Variants in USP53 observed in about 807,000 individuals in gnomAD.
USP53 encodes ubiquitin carboxyl-terminal hydrolase 53.
USP53 carries 71 observed loss-of-function variants against 94.9 expected under a neutral mutation model. The ratio of observed to expected loss-of-function variants is 0.75; its 90% CI spans 0.62 to 0.91. The LOEUF (loss-of-function observed/expected upper bound fraction) is 0.91. Among genes scored for constraint, USP53 ranks in the 40% least tolerant of loss-of-function variants. The pLI, the probability that USP53 is intolerant of heterozygous loss-of-function variation, is 0.00. For missense variants in USP53, 1,173 were observed against 1,281.0 expected (o/e 0.92, Z 1.29); for synonymous variants, 375 against 422.7 (o/e 0.89, Z 1.39).
rs760635499 is a variant in USP53 at position 119,256,281 on chromosome 4, G to A, written c.408G>A (p.Val136=). The A allele has an allele frequency of 6.2e-7, 1 of 1,613,742 alleles. No homozygotes were observed. Among genetic ancestry groups the A allele is most frequent in the South Asian group, 1.1e-5 (1 of 91,026 alleles). ...TGGAGAGGATTCATTTTCACATAGT[G>A]CCAAGCAGAGATGCAGACATGTGTA... ...NMLERIHFHI[V]PSRDADMCTS... Residue 136 remains valine (V), a synonymous_variant, in exon 8 of 19, where the codon GTG becomes GTA. Transcript: ENST00000692078.
At chr4:119,281,180 G>A (rs376811488) in intron 17 of USP53, among the ~76,000 whole-genome samples, 12 of 152,322 alleles carry the variant, frequency 7.9e-5, no homozygotes, top group African/African-American at 2.9e-4. Context: ...ATATTTGAAC[G>A]TATACAGGAT....
At chr4:119,270,721 A>T (rs1371433581) in intron 15 of USP53, among the ~76,000 whole-genome samples, 1 of 152,142 alleles carries the variant, frequency 6.6e-6, no homozygotes, top group Non-Finnish European at 1.5e-5. Flanking sequence ...ATAGTGATAG[A>T]CTTTACAGGC....
intron 14 of USP53, among the ~76,000 whole-genome samples, 168 bp downstream of exon 14, chr4:119,268,588 C>G (rs559491277): frequency 6.6e-6 from 1 of 152,306 alleles, no homozygotes; most frequent in Admixed American, 6.5e-5. Flanking sequence ...GTAGTTTTAC[C>G]TGACCAGTTT....
chr4:119,257,025 G>A lies in USP53; in HGVS notation c.569+502G>A, dbSNP rs574916312. Among the ~76,000 whole-genome samples the A allele has an allele frequency of 3.3e-5, 5 of 152,298 alleles. No homozygotes were observed. In the East Asian group the frequency reaches 9.6e-4, roughly 29 times the overall value. ...AAAATTTGCCATGCTTGCCTGCTCA[G>A]CTGCCCACTCACTCTCTCCCTTTCT... On this transcript the variant is annotated intron_variant, in intron 9 of 18. Coordinates refer to ENST00000692078, the MANE Select transcript of USP53 (RefSeq NM_001371395.1).
intron 17 of USP53, among the ~76,000 whole-genome samples, chr4:119,290,740 A>G (rs1410443955): frequency 6.6e-6 from 1 of 152,192 alleles, no homozygotes; most frequent in Non-Finnish European, 1.5e-5. Context: ...GAGGGAACTG[A>G]GATTTTAAGA....
At chr4:119,239,943 T>C (rs755419466) in intron 5 of USP53, 40 bp downstream of exon 5, 2 of 1,365,918 alleles carry the variant, frequency 1.5e-6, no homozygotes, top group Non-Finnish European at 1.9e-6. Flanking sequence ...AAAAATACTT[T>C]TCAGAAAATC....
chr4:119,256,215 A>G (rs777169460), intron 7 of USP53, 31 bp from the exon 8 acceptor site: 1 of 1,539,198 alleles, frequency 6.5e-7, no homozygotes, highest in Non-Finnish European at 8.9e-7. Flanking sequence ...CAAGATCAAC[A>G]ACTCATTTAT....
Position 119,260,629 on chromosome 4 carries a change from A to G in USP53, c.798A>G (p.Leu266=). 3.1e-6 allele frequency: 5 copies of G among 1,613,758 alleles called. No homozygotes were observed. The African/African-American group carries it at 5.3e-5, about 17-fold the overall frequency. The stretch of plus-strand genomic sequence containing the variant: ...TGACCGAAGCTGTTGTTCGGAATCT[A>G]GCAACACATCTTTATCTTCCTGGGG... ...SDLTEAVVRN[L]ATHLYLPGLF... Residue 266 remains leucine (L), a synonymous_variant, in exon 11 of 19, where the codon CTA becomes CTG. Transcript: ENST00000692078.
intron 7 of USP53, among the ~76,000 whole-genome samples, chr4:119,254,982 T>A (rs1344126836): frequency 1.3e-5 from 2 of 152,212 alleles, no homozygotes; most frequent in Non-Finnish European, 1.5e-5. Context: ...GACAGGCCCC[T>A]CAGCTGCAGG....
chr4:119,218,693 A>C (rs779140391), intron 3 of USP53: 3 of 152,166 alleles, frequency 2.0e-5, no homozygotes, highest in Non-Finnish European at 4.4e-5. Context: ...CCTTACTATA[A>C]TCCTTTAGCT....
At chr4:119,214,612 TAAAA>T (rs35029575) in intron 2 of USP53, among the ~76,000 whole-genome samples, 1 of 141,594 alleles carries the variant, frequency 7.1e-6, no homozygotes, top group African/African-American at 2.6e-5. Flanking sequence ...TTCTTTTCCT[TAAAA>T]AAAAAAAAAA....
intron 9 of USP53, among the ~76,000 whole-genome samples, chr4:119,257,588 T>C (rs755052341): frequency 1.4e-4 from 21 of 152,230 alleles, no homozygotes; most frequent in Non-Finnish European, 3.1e-4. Context: ...ATGCTGCCAA[T>C]ATTTGTGTCA....
Position 119,256,335 on chromosome 4 carries a change from G to T in USP53, c.462G>T (p.Lys154Asn), listed in dbSNP as rs1749757960. Reference sequence around the variant, plus strand: ...CTAAATCTTGTATCACTCACCAGAAGTTTGCTATGACTCTGTATGAACAGG... The same window carrying T: ...CTAAATCTTGTATCACTCACCAGAATTTTGCTATGACTCTGTATGAACAGG... ...CTSKSCITHQ[K>N]FAMTLYEQCV... Residue 154 changes from lysine to asparagine, a missense_variant, in exon 8 of 19, where the codon AAG (lysine) becomes AAT (asparagine). By Grantham distance (94) the Lys-to-Asn change is moderately conservative. Transcript: ENST00000692078. The T allele has an allele frequency of 6.2e-7, 1 of 1,613,976 alleles. No individual in the cohort carries two copies. Among genetic ancestry groups the T allele is most frequent in the African/African-American group, 1.3e-5 (1 of 75,014 alleles).
rs1753189141 is a variant in USP53 at position 119,279,556 on chromosome 4, TTGTC to T, written c.2251+5852_2251+5855del. 2.0e-5 allele frequency among the ~76,000 whole-genome samples: 3 copies of T among 150,736 alleles called. No individual in the cohort carries two copies. The South Asian group carries it at 6.3e-4, about 32-fold the overall frequency. On this transcript the variant is annotated intron_variant, in intron 17 of 18. Transcript: ENST00000692078. ...GCAGAGGTTACTGCTGTCTTTTTGT[TTGTC>T]TGTGCCCTGCCCCCAGAGGTGGAGC...
intron 3 of USP53, among the ~76,000 whole-genome samples, chr4:119,223,315 T>C (rs771963832): frequency 2.6e-5 from 4 of 152,126 alleles, no homozygotes; most frequent in Non-Finnish European, 2.9e-5. Context: ...AGGAAAGCAA[T>C]TGTGAAAGCA....
chr4:119,244,374 T>A (rs1747940712), intron 5 of USP53, among the ~76,000 whole-genome samples: 1 of 151,938 alleles, frequency 6.6e-6, no homozygotes, highest in African/African-American at 2.4e-5. Context: ...CAGTTTGTTT[T>A]TATTAACTTT....
At chr4:119,236,031 C>CA (rs1293413455) in intron 4 of USP53, among the ~76,000 whole-genome samples, 2 of 152,062 alleles carry the variant, frequency 1.3e-5, no homozygotes, top group Admixed American at 1.3e-4. Context: ...ATACATGGCT[C>CA]AAAAAATGTT....
At chr4:119,280,749 A>G (rs1341164072) in intron 17 of USP53, among the ~76,000 whole-genome samples, 1 of 152,214 alleles carries the variant, frequency 6.6e-6, no homozygotes, top group Non-Finnish European at 1.5e-5. Flanking sequence ...CTGACAATAC[A>G]AGTCCAGAGG....
intron 7 of USP53, among the ~76,000 whole-genome samples, chr4:119,253,952 G>T (rs1749395466): frequency 6.6e-6 from 1 of 152,184 alleles, no homozygotes; most frequent in African/African-American, 2.4e-5. Flanking sequence ...GTCTGTAAAG[G>T]ATTTTATTTC....
Sources: gnomAD v4.1 joint callset for allele counts (sites outside exome capture counted in the v4.1 genomes callset) on GRCh38, gnomAD v4.1.1 for gene constraint, MANE v1.5 for transcripts, NCBI Gene and HGNC (gene_info 2026-07-23, HGNC 2026-07-21) for gene names.